GALNT13: variants seen among roughly 807,000 people sequenced by gnomAD.
GALNT13 encodes polypeptide N-acetylgalactosaminyltransferase 13.
GALNT13 carries 28 observed loss-of-function variants against 64.2 expected under a neutral mutation model. That is an observed-to-expected ratio of 0.44 (90% CI 0.32 to 0.60). The LOEUF is 0.60. Ranked by LOEUF, GALNT13 falls within the 20% of genes least tolerant of loss-of-function variation. The probability of loss-of-function intolerance (pLI) is 0.05; values close to 1 mark genes in which losing one functional copy is unlikely to be tolerated. For missense variants in GALNT13, 577 were observed against 669.8 expected (o/e 0.86, Z 1.53); for synonymous variants, 214 against 224.6 (o/e 0.95, Z 0.42).
At chr2:153,301,762 G>C in the GALNT13 span, among the ~76,000 whole-genome samples, 8 of 151,918 alleles carry the variant, frequency 5.3e-5, no homozygotes, top group Non-Finnish European at 1.2e-4. Flanking sequence ...AGGTTATATG[G>C]TCTTTGTCTT....
the GALNT13 span, among the ~76,000 whole-genome samples, chr2:153,207,424 GGT>G: frequency 6.6e-6 from 1 of 152,154 alleles, no homozygotes; most frequent in Non-Finnish European, 1.5e-5. Flanking sequence ...TGTAATATGT[GGT>G]TATCTTTTCT....
the GALNT13 span, among the ~76,000 whole-genome samples, chr2:153,846,931 T>C: frequency 1.3e-5 from 2 of 152,176 alleles, no homozygotes; most frequent in South Asian, 4.1e-4. Context: ...TTAAAACATA[T>C]TTTTTCTCCA....
chr2:154,400,917 A>G (rs1699272562), intron 10 of GALNT13, among the ~76,000 whole-genome samples: 1 of 146,524 alleles, frequency 6.8e-6, no homozygotes, highest in African/African-American at 2.6e-5. Context: ...TTTTTGGGTT[A>G]TGACAGGCTT....
chr2:153,128,532 G>A, the GALNT13 span, among the ~76,000 whole-genome samples: 1 of 152,084 alleles, frequency 6.6e-6, no homozygotes, highest in Non-Finnish European at 1.5e-5. Context: ...GGAACACAGA[G>A]CCAAACCATA....
At chr2:153,344,805 A>G in the GALNT13 span, among the ~76,000 whole-genome samples, 32 of 152,358 alleles carry the variant, frequency 2.1e-4, no homozygotes, top group Non-Finnish European at 4.3e-4. Context: ...TAATTAGCTC[A>G]ATTGTGATAG....
At chr2:153,074,762 T>TATG in the GALNT13 span, among the ~76,000 whole-genome samples, 2 of 152,216 alleles carry the variant, frequency 1.3e-5, no homozygotes, top group Non-Finnish European at 2.9e-5. Flanking sequence ...TTTTTGGAGA[T>TATG]ATGATCTTTC....
intron 3 of GALNT13, among the ~76,000 whole-genome samples, chr2:154,035,818 T>A (rs1698628082): frequency 3.3e-5 from 5 of 152,142 alleles, no homozygotes; most frequent in South Asian, 2.1e-4. Context: ...ATTTTGGGGT[T>A]GTAGCATTGT....
chr2:153,499,153 G>A, the GALNT13 span, among the ~76,000 whole-genome samples: 1 of 152,128 alleles, frequency 6.6e-6, no homozygotes, highest in Non-Finnish European at 1.5e-5. Flanking sequence ...GCCTGGCCAG[G>A]TCCTGGGTTC....
the GALNT13 span, among the ~76,000 whole-genome samples, chr2:153,662,399 C>CAGTCT: frequency 6.6e-6 from 1 of 152,230 alleles, no homozygotes; most frequent in Admixed American, 6.5e-5. Flanking sequence ...ACTTGGTGCA[C>CAGTCT]ATTAATCCCA....
chr2:154,144,979 T>TTAAG (rs1372440655), intron 4 of GALNT13, among the ~76,000 whole-genome samples: 2 of 150,846 alleles, frequency 1.3e-5, no homozygotes, highest in African/African-American at 4.8e-5. Flanking sequence ...TTAAGTACAA[T>TTAAG]TAAGGGCAGA....
intron 4 of GALNT13, among the ~76,000 whole-genome samples, chr2:154,149,289 C>G (rs1440357832): frequency 6.6e-6 from 1 of 152,136 alleles, no homozygotes; most frequent in East Asian, 1.9e-4. Flanking sequence ...TGATCTATAT[C>G]TCTGTTTTGA....
chr2:153,539,481 C>G, the GALNT13 span, among the ~76,000 whole-genome samples: 87,846 of 151,104 alleles, frequency 0.58, 28,541 homozygotes, highest in African/African-American at 0.86. Flanking sequence ...CCTATGTCCT[C>G]AATGGTAATG....
chr2:153,491,594 A>ATATTTATT, the GALNT13 span, among the ~76,000 whole-genome samples: 8,479 of 145,396 alleles, frequency 0.058, 339 homozygotes, highest in African/African-American at 0.1. Context: ...AAACCATATT[A>ATATTTATT]TATTTATTTA....
intron 3 of GALNT13, among the ~76,000 whole-genome samples, chr2:154,100,141 A>G (rs911733884): frequency 5.3e-5 from 8 of 152,106 alleles, no homozygotes; most frequent in Admixed American, 2.0e-4. Context: ...TCAAGGAATT[A>G]TATGCCTCTA....
At chr2:153,290,243 G>C in the GALNT13 span, among the ~76,000 whole-genome samples, 1 of 151,960 alleles carries the variant, frequency 6.6e-6, no homozygotes, top group Non-Finnish European at 1.5e-5. Context: ...TTTTAGCTAA[G>C]GATTTTGGTA....
chr2:153,961,337 G>T (rs537580615), intron 3 of GALNT13, among the ~76,000 whole-genome samples: 1 of 152,282 alleles, frequency 6.6e-6, no homozygotes, highest in South Asian at 2.1e-4. Context: ...ATCAATAGAT[G>T]CTATCTGTCC....
the GALNT13 span, among the ~76,000 whole-genome samples, chr2:153,258,376 A>AAACAAAAC: frequency 1.4e-5 from 2 of 144,546 alleles, no homozygotes; most frequent in South Asian, 4.2e-4. Flanking sequence ...CCCAAAAACA[A>AAACAAAAC]AACAAAACAA....
chr2:154,133,534 T>A (rs1364538), intron 3 of GALNT13, among the ~76,000 whole-genome samples: 83 of 77,218 alleles, frequency 1.1e-3, no homozygotes, highest in South Asian at 1.9e-3. Context: ...ACAGACCATT[T>A]TATATATATA....
chr2:153,806,725 C>T, the GALNT13 span, among the ~76,000 whole-genome samples: 2 of 150,746 alleles, frequency 1.3e-5, no homozygotes, highest in African/African-American at 4.9e-5. Context: ...AAAGCTTTAC[C>T]ATGAGTATAA....
Sources: allele counts gnomAD v4.1 joint callset (sites outside exome capture counted in the v4.1 genomes callset), GRCh38; gene constraint gnomAD v4.1.1; transcripts MANE v1.5; gene names NCBI Gene and HGNC (gene_info 2026-07-23, HGNC 2026-07-21).